ST3GAL4: variants seen among roughly 807,000 people sequenced by gnomAD.
ST3GAL4 encodes the protein CMP-N-acetylneuraminate-beta-galactosamide-alpha-2,3-sialyltransferase 4.
ST3GAL4 carries 24 observed loss-of-function variants against 42.6 expected under a neutral mutation model. The ratio of observed to expected loss-of-function variants is 0.56; its 90% CI spans 0.41 to 0.79. The LOEUF is 0.79. ST3GAL4 is among the 30% of genes least tolerant of loss of function. The pLI is 0.00. For synonymous variants in ST3GAL4, 135 were observed against 163.2 expected (o/e 0.83, Z 1.32); for missense variants, 311 against 430.8 (o/e 0.72, Z 2.46).
rs997174659 is a variant in ST3GAL4, at chr11:126,411,429, C to T, written c.771+2018C>T. Among the ~76,000 whole-genome samples, 4 of 152,142 alleles carry T rather than the reference C, an allele frequency of 2.6e-5. No homozygotes were observed. Among genetic ancestry groups the T allele is most frequent in the Admixed American group, 6.5e-5 (1 of 15,276 alleles). The stretch of plus-strand genomic sequence containing the variant: ...CTGGGATTACAGGTGTGAGCCACTG[C>T]GCCTGGCCTGTATTAGCTTTCTGTT... On this transcript the variant is annotated intron_variant, in intron 9 of 10. Coordinates refer to ENST00000444328, the MANE Select transcript of ST3GAL4 (RefSeq NM_001254757.2). This position sits in a 1 kb window ranked among gnomAD's most constrained non-coding sequence, Gnocchi z 6.3.
In ST3GAL4 at chr11:126,409,882, AATG is replaced by A. The variant is rs1265542774; in HGVS notation, c.771+472_771+474del. ...GTATGGTGTGTCAATTCAGGGAGTC[AATG>A]TAGTTTTGCAAGTTATGGGTTTTTG... On this transcript the variant is annotated intron_variant, in intron 9 of 10. Transcript: ENST00000444328. This position sits in a 1 kb window ranked among gnomAD's most constrained non-coding sequence, Gnocchi z 4.9. 6.6e-6 allele frequency among the ~76,000 whole-genome samples: 1 copy of A among 152,102 alleles called. No homozygotes were observed. The highest frequency in any genetic ancestry group is 1.5e-5 in the Non-Finnish European group (1 of 68,024).
chr11:126,396,854 G>A lies in ST3GAL4; in HGVS notation c.-60-9242G>A, dbSNP rs549786601. On this transcript the variant is annotated intron_variant, in intron 1 of 10. Transcript: ENST00000444328. This position sits in a 1 kb window ranked among gnomAD's most constrained non-coding sequence, Gnocchi z 5.8. ...TGGCTCTACAATGGAGGTAATTATC[G>A]TGTTGAACTCACAGGGTCGAGATCA... 4.6e-5 allele frequency among the ~76,000 whole-genome samples: 7 copies of A among 152,056 alleles called. No homozygotes were observed. The East Asian group carries it at 1.4e-3, about 29-fold the overall frequency.
At chr11:126,390,618 C>CTTTTTTTTTTTTTTTTTTTTTTTTCT (rs58153137) in intron 1 of ST3GAL4, among the ~76,000 whole-genome samples, 1 of 126,686 alleles carries the variant, frequency 7.9e-6, no homozygotes, top group African/African-American at 3.2e-5. Context: ...GTGTTCTTTG[C>CTTTTTTTTTTTTTTTTTTTTTTTTCT]TTTTTTTTTT....
At chr11:126,407,891 G>A (rs1954328659) in intron 6 of ST3GAL4, among the ~76,000 whole-genome samples, 1 of 152,074 alleles carries the variant, frequency 6.6e-6, no homozygotes, top group African/African-American at 2.4e-5. Flanking sequence ...GCCCTCTTCT[G>A]TGCTCTGCGC....
Position 126,409,435 on chromosome 11 carries a change from A to T in ST3GAL4, c.771+24A>T. 1 of 1,614,140 alleles carries T rather than the reference A, an allele frequency of 6.2e-7. No homozygotes were observed. Among genetic ancestry groups the T allele is most frequent in the Non-Finnish European group, 8.5e-7 (1 of 1,179,996 alleles). ...AGGTGATGATGGGAAGTCAGGCCTG[A>T]GGGCTAGGATCCTGGGCGGGAAGTA... On this transcript the variant is annotated intron_variant, in intron 9 of 10. Transcript: ENST00000444328. The surrounding 1 kb of genome is among the most constrained non-coding windows in gnomAD (Gnocchi z 4.9).
rs1954540372 is a variant in ST3GAL4, at chr11:126,411,821, AT to A, written c.772-1683del. Among the ~76,000 whole-genome samples the A allele has an allele frequency of 6.6e-6, 1 of 152,000 alleles. No individual in the cohort carries two copies. Among genetic ancestry groups the A allele is most frequent in the African/African-American group, 2.4e-5 (1 of 41,394 alleles). On this transcript the variant is annotated intron_variant, in intron 9 of 10. Coordinates refer to ENST00000444328, the MANE Select transcript of ST3GAL4 (RefSeq NM_001254757.2). The surrounding 1 kb of genome is among the most constrained non-coding windows in gnomAD (Gnocchi z 6.3). Reference sequence around the variant, plus strand: ...ACAATAGATCCTTTCTGTGCTTCAAATCTCTGACCTCCGTTTCTGATCTTGA... The same window carrying A: ...ACAATAGATCCTTTCTGTGCTTCAAACTCTGACCTCCGTTTCTGATCTTGA...
chr11:126,400,175 C>CTAT lies in ST3GAL4; in HGVS notation c.-60-5920_-60-5919insATT, dbSNP rs1953942528. On this transcript the variant is annotated intron_variant, in intron 1 of 10. Transcript: ENST00000444328. This position sits in a 1 kb window ranked among gnomAD's most constrained non-coding sequence, Gnocchi z 4.6. ...TTATAATGAATAGAATTTTATTTGG[C>CTAT]TCATGGTTCTGGAGGCTGGGAAGTC... 1.3e-5 allele frequency among the ~76,000 whole-genome samples: 2 copies of CTAT among 152,206 alleles called. No homozygotes were observed. The highest frequency in any genetic ancestry group is 4.8e-5 in the African/African-American group (2 of 41,440).
intron 1 of ST3GAL4, among the ~76,000 whole-genome samples, chr11:126,370,202 T>C (rs1952590787): frequency 6.6e-6 from 1 of 152,196 alleles, no homozygotes; most frequent in Admixed American, 6.5e-5. Context: ...TTGATAAATA[T>C]TGTGAAATGT....
chr11:126,376,875 G>A lies in ST3GAL4; in HGVS notation c.-61+21033G>A, dbSNP rs932161105. The A allele has an allele frequency of 2.0e-5, 3 of 152,234 alleles. No homozygotes were observed. Among genetic ancestry groups the A allele is most frequent in the Admixed American group, 6.5e-5 (1 of 15,286 alleles). The allele number at this position is 152,234 out of a possible 1,614,324, so 9.4% of individuals were successfully genotyped here. A position where few individuals can be genotyped will look rare whatever the true frequency, so the allele number is the denominator to read the frequency against. On this transcript the variant is annotated intron_variant, in intron 1 of 10. Coordinates refer to ENST00000444328, the MANE Select transcript of ST3GAL4 (RefSeq NM_001254757.2). This position sits in a 1 kb window ranked among gnomAD's most constrained non-coding sequence, Gnocchi z 5.1. ...GCCACAGTTAGCAGTTACATAGTCA[G>A]TGTTGCTTTCCTCAAGTTGAATGAT...
At chr11:126,375,540 A>G (rs1952804162) in intron 1 of ST3GAL4, among the ~76,000 whole-genome samples, 1 of 152,156 alleles carries the variant, frequency 6.6e-6, no homozygotes, top group Non-Finnish European at 1.5e-5. Context: ...CGAGCTGTAC[A>G]ACCTGGGCCG....
chr11:126,380,826 C>G (rs559061380), intron 1 of ST3GAL4, among the ~76,000 whole-genome samples: 1 of 152,320 alleles, frequency 6.6e-6, no homozygotes, highest in East Asian at 1.9e-4. Flanking sequence ...CCTCTTCTCT[C>G]CAGAGCTCTT....
Position 126,409,353 on chromosome 11 carries a change from AG to A in ST3GAL4, c.714del (p.Ile239LeufsTer7), listed in dbSNP as rs1340318961. The A allele has an allele frequency of 6.2e-7, 1 of 1,614,148 alleles. No individual in the cohort carries two copies. On this transcript the variant is annotated frameshift_variant, in exon 9 of 11. Coordinates refer to ENST00000444328, the MANE Select transcript of ST3GAL4 (RefSeq NM_001254757.2). LOFTEE classifies it high-confidence loss of function. The surrounding 1 kb of genome is among the most constrained non-coding windows in gnomAD (Gnocchi z 4.9). ...CGGATTCTCAACCCCTTCTTCATGG[AG>A]ATTGCAGCTGACAAACTGCTGAGCC... The part of the protein sequence containing the change: ...QIRILNPFFM[E>X]IAADKLLSLP...
At chr11:126,361,599 C>A (rs1229898407) in intron 1 of ST3GAL4, among the ~76,000 whole-genome samples, 1 of 152,012 alleles carries the variant, frequency 6.6e-6, no homozygotes, top group Non-Finnish European at 1.5e-5. Flanking sequence ...GGCACTTCCT[C>A]CCCCTTCCTC....
At position 126,406,872 on chromosome 11, in the gene ST3GAL4, C is replaced by T; in HGVS notation, c.102-71C>T. ...GGGACCTTCATGCCGTGGGAGAAGG[C>T]TTAGGCTGCCTGGAACATGGGTCCC... On this transcript the variant is annotated intron_variant, in intron 3 of 10. Coordinates refer to ENST00000444328, the MANE Select transcript of ST3GAL4 (RefSeq NM_001254757.2). The surrounding 1 kb of genome is among the most constrained non-coding windows in gnomAD (Gnocchi z 5.4). The T allele has an allele frequency of 7.1e-7, 1 of 1,417,668 alleles. No homozygotes were observed. The highest frequency in any genetic ancestry group is 9.9e-7 in the Non-Finnish European group (1 of 1,005,184). The allele number at this position is 1,417,668 out of a possible 1,614,324, so 87.8% of individuals were successfully genotyped here.
chr11:126,378,290 C>T lies in ST3GAL4; in HGVS notation c.-61+22448C>T, dbSNP rs190584307. 8.5e-5 allele frequency among the ~76,000 whole-genome samples: 13 copies of T among 152,114 alleles called. No individual in the cohort carries two copies. The highest frequency in any genetic ancestry group is 2.0e-4 in the Admixed American group (3 of 15,280). On this transcript the variant is annotated intron_variant, in intron 1 of 10. Coordinates refer to ENST00000444328, the MANE Select transcript of ST3GAL4 (RefSeq NM_001254757.2). The surrounding 1 kb of genome is among the most constrained non-coding windows in gnomAD (Gnocchi z 5.3). ...TGATACGAATGTCATGGTTATTCTC[C>T]GTCACATCTGCGTCTGCACAGCGCC...
At position 126,409,300 on chromosome 11, in the gene ST3GAL4, C is replaced by T; in HGVS notation, c.660C>T (p.Leu220=). Residue 220 remains leucine (L), a synonymous_variant, in exon 9 of 11, where the codon CTC becomes CTT. Transcript: ENST00000444328. The surrounding 1 kb of genome is among the most constrained non-coding windows in gnomAD (Gnocchi z 4.9). ...AGGGTTTCTGGAAACAGCCTCCCCT[C>T]ATCTGGGATGTCAATCCTAAACAGA... The part of the protein sequence containing the change: ...VRKGFWKQPP[L]IWDVNPKQIR... 6 of 1,614,264 alleles carry T rather than the reference C, an allele frequency of 3.7e-6. No individual in the cohort carries two copies. Among genetic ancestry groups the T allele is most frequent in the Non-Finnish European group, 5.1e-6 (6 of 1,180,052 alleles).
chr11:126,371,877 G>A (rs1288328563), intron 1 of ST3GAL4, among the ~76,000 whole-genome samples: 1 of 152,196 alleles, frequency 6.6e-6, no homozygotes, highest in Non-Finnish European at 1.5e-5. Flanking sequence ...GTATCAACTG[G>A]TACTCCCACC....
Position 126,379,033 on chromosome 11 carries a change from T to G in ST3GAL4, c.-61+23191T>G, listed in dbSNP as rs2135434211. On this transcript the variant is annotated intron_variant, in intron 1 of 10. Transcript: ENST00000444328. The surrounding 1 kb of genome is among the most constrained non-coding windows in gnomAD (Gnocchi z 4.2). ...TCAATCGTAGTTGTAGGCCATCCCT[T>G]TGCCTCTGTTGCTTCTTCCAAGAGC... Among the ~76,000 whole-genome samples, 1 of 152,332 alleles carries G rather than the reference T, an allele frequency of 6.6e-6. No individual in the cohort carries two copies. The highest frequency in any genetic ancestry group is 3.4e-3 in the Middle Eastern group (1 of 294).
chr11:126,394,813 C>T lies in ST3GAL4; in HGVS notation c.-60-11283C>T, dbSNP rs1953670562. ...GTTTCTGTACAGGAGTCTGCAGTGC[C>T]AGGCTGCAGGGGCGGATGGTGGGGG... On this transcript the variant is annotated intron_variant, in intron 1 of 10. Transcript: ENST00000444328. Among the ~76,000 whole-genome samples the T allele has an allele frequency of 5.4e-5, 4 of 73,444 alleles. No homozygotes were observed. The South Asian group carries it at 1.7e-3, about 31-fold the overall frequency. The allele number at this position is 73,444 out of a possible 152,430, so 48.2% of individuals were successfully genotyped here. A position where few individuals can be genotyped will look rare whatever the true frequency, so the allele number is the denominator to read the frequency against.
Sources: gnomAD v4.1 joint callset for allele counts (sites outside exome capture counted in the v4.1 genomes callset) on GRCh38, gnomAD v4.1.1 for gene constraint, Gnocchi (gnomAD v3.1) non-coding constraint, MANE v1.5 for transcripts, NCBI Gene and HGNC (gene_info 2026-07-23, HGNC 2026-07-21) for gene names.